KCNH1: variants seen among roughly 807,000 people sequenced by gnomAD.
The protein encoded by KCNH1 is potassium voltage-gated channel subfamily H member 1, also known as voltage-gated delayed rectifier potassium channel KCNH1.
Under a neutral mutation model 69.2 loss-of-function variants are expected in KCNH1, and 27 were observed. The observed-to-expected ratio is 0.39, with a 90% confidence interval of 0.29 to 0.54. The LOEUF is 0.54. Ranked by LOEUF, KCNH1 falls within the 20% of genes least tolerant of loss-of-function variation. The pLI is 0.68. For missense variants in KCNH1, 798 were observed against 1,261.6 expected (o/e 0.63, Z 5.57); for synonymous variants, 456 against 487.7 (o/e 0.93, Z 0.86).
intron 6 of KCNH1, among the ~76,000 whole-genome samples, chr1:210,968,457 T>G (rs1219965198): frequency 1.1e-4 from 15 of 139,332 alleles, no homozygotes; most frequent in Admixed American, 3.7e-4. Context: ...ACTTCCACAA[T>G]GGTTGAACTA....
chr1:210,752,980 G>T (rs1683312886), intron 10 of KCNH1, among the ~76,000 whole-genome samples: 1 of 152,126 alleles, frequency 6.6e-6, no homozygotes, highest in South Asian at 2.1e-4. Context: ...CAGAGGCAGA[G>T]ATTGGAATGA....
chr1:211,043,512 A>T (rs1275425038), intron 5 of KCNH1, among the ~76,000 whole-genome samples: 1 of 152,148 alleles, frequency 6.6e-6, no homozygotes, highest in Non-Finnish European at 1.5e-5. Context: ...TCACAGCTGA[A>T]TTCTACCAGA....
chr1:210,743,611 G>C (rs1348627404), intron 10 of KCNH1, among the ~76,000 whole-genome samples: 1 of 152,174 alleles, frequency 6.6e-6, no homozygotes, highest in Non-Finnish European at 1.5e-5. Context: ...CCTATTTTTA[G>C]ACTTGGGGAC....
intron 6 of KCNH1, among the ~76,000 whole-genome samples, chr1:210,961,044 G>T (rs574634166): frequency 6.6e-6 from 1 of 152,106 alleles, no homozygotes; most frequent in Non-Finnish European, 1.5e-5. Context: ...AGTTATAATA[G>T]TTGTTTTAAT....
intron 7 of KCNH1, among the ~76,000 whole-genome samples, chr1:210,897,689 C>A (rs1399462895): frequency 6.6e-6 from 1 of 152,222 alleles, no homozygotes; most frequent in Admixed American, 6.5e-5. Context: ...GGTACCAGGC[C>A]TTGCATGCTC....
At chr1:210,803,515 G>A (rs909651338) in intron 8 of KCNH1, among the ~76,000 whole-genome samples, 25 of 152,130 alleles carry the variant, frequency 1.6e-4, no homozygotes, top group East Asian at 3.8e-4. Context: ...GATAAATCAT[G>A]GTTTAATTCT....
intron 10 of KCNH1, among the ~76,000 whole-genome samples, chr1:210,732,608 C>A (rs149608104): frequency 6.6e-6 from 1 of 152,250 alleles, no homozygotes; most frequent in African/African-American, 2.4e-5. Flanking sequence ...TGGGGTGCTA[C>A]AACAAGATAG....
intron 10 of KCNH1, among the ~76,000 whole-genome samples, chr1:210,773,426 G>A (rs969141785): frequency 6.6e-6 from 1 of 152,136 alleles, no homozygotes; most frequent in African/African-American, 2.4e-5. Flanking sequence ...ATGCACTGAG[G>A]ATACTAAGGC....
At chr1:210,843,378 C>T (rs1015465076) in intron 7 of KCNH1, among the ~76,000 whole-genome samples, 1 of 152,142 alleles carries the variant, frequency 6.6e-6, no homozygotes, top group Non-Finnish European at 1.5e-5. Context: ...AAGAAACTAA[C>T]CACTAATATG....
At chr1:210,701,718 C>A (rs1681785746) in intron 10 of KCNH1, among the ~76,000 whole-genome samples, 1 of 152,032 alleles carries the variant, frequency 6.6e-6, no homozygotes, top group African/African-American at 2.4e-5. Context: ...CATGTGCCCC[C>A]AAAAATATTT....
chr1:210,747,925 A>G (rs1683198496), intron 10 of KCNH1, among the ~76,000 whole-genome samples: 1 of 152,208 alleles, frequency 6.6e-6, no homozygotes, highest in African/African-American at 2.4e-5. Flanking sequence ...CTGAGATGAG[A>G]TCCTTTGACA....
At chr1:210,945,713 C>A (rs1264513595) in intron 6 of KCNH1, among the ~76,000 whole-genome samples, 3 of 152,202 alleles carry the variant, frequency 2.0e-5, no homozygotes, top group Non-Finnish European at 4.4e-5. Flanking sequence ...TTCTGTTGTT[C>A]CTCAGACACA....
At chr1:210,864,540 A>C (rs1159330964) in intron 7 of KCNH1, among the ~76,000 whole-genome samples, 1 of 152,192 alleles carries the variant, frequency 6.6e-6, no homozygotes, top group Non-Finnish European at 1.5e-5. Flanking sequence ...CACAGTAAAC[A>C]CTCAACGGAT....
intron 1 of KCNH1, among the ~76,000 whole-genome samples, chr1:211,122,152 G>A (rs565389346): frequency 3.0e-4 from 45 of 151,110 alleles, no homozygotes; most frequent in African/African-American, 1.0e-3. Flanking sequence ...AAAAACCATC[G>A]AAAAGTGGAC....
chr1:210,926,774 G>C (rs1053311668), intron 6 of KCNH1, among the ~76,000 whole-genome samples: 19 of 151,946 alleles, frequency 1.3e-4, no homozygotes, highest in African/African-American at 4.3e-4. Flanking sequence ...AATCAAGAAG[G>C]CACCAGAGAA....
intron 7 of KCNH1, among the ~76,000 whole-genome samples, chr1:210,814,918 T>C (rs1035697889): frequency 1.3e-5 from 2 of 152,240 alleles, no homozygotes; most frequent in South Asian, 4.1e-4. Flanking sequence ...TTTGGTGGAG[T>C]CACTTCAGAG....
chr1:210,736,989 T>C (rs1390413515), intron 10 of KCNH1, among the ~76,000 whole-genome samples: 1 of 152,200 alleles, frequency 6.6e-6, no homozygotes, highest in Non-Finnish European at 1.5e-5. Flanking sequence ...AATTACATGA[T>C]TCAGCTCTTG....
intron 6 of KCNH1, among the ~76,000 whole-genome samples, chr1:210,984,019 AT>A (rs1213330554): frequency 6.6e-6 from 1 of 152,068 alleles, no homozygotes; most frequent in Non-Finnish European, 1.5e-5. Context: ...TAGGTATTTT[AT>A]TCTCTTTGCA....
intron 6 of KCNH1, among the ~76,000 whole-genome samples, chr1:210,933,334 AG>A (rs1344653642): frequency 1.3e-5 from 2 of 149,586 alleles, no homozygotes; most frequent in African/African-American, 4.9e-5. Context: ...GGACACAGCA[AG>A]GGGAACATCA....
Sources: gnomAD v4.1 joint callset for allele counts (sites outside exome capture counted in the v4.1 genomes callset) on GRCh38, gnomAD v4.1.1 for gene constraint, MANE v1.5 for transcripts, NCBI Gene and HGNC (gene_info 2026-07-23, HGNC 2026-07-21) for gene names.